The following DNAH10 variants were observed in gnomAD, a reference collection of about 807,000 sequenced individuals.
DNAH10 encodes the protein dynein axonemal heavy chain 10.
DNAH10 carries 348 observed loss-of-function variants against 506.6 expected under a neutral mutation model. The ratio of observed to expected loss-of-function variants is 0.69; its 90% CI spans 0.63 to 0.75. The LOEUF is 0.75. Among genes scored for constraint, DNAH10 ranks in the 30% least tolerant of loss-of-function variants. DNAH10 has a pLI of 0.00. For missense variants in DNAH10, 5,179 were observed against 5,787.1 expected, an observed-to-expected ratio of 0.89 and a Z score of 3.41; for synonymous variants, 2,059 against 2,198.6, an observed-to-expected ratio of 0.94 and a Z score of 1.78.
chr12:123,796,735 C>T lies in DNAH10; in HGVS notation c.2066C>T (p.Ala689Val). Residue 689 changes from alanine to valine, a missense_variant, in exon 13 of 79, where the codon GCA (alanine) becomes GTA (valine). Around this residue, in one of 3 missense-constraint regions of DNAH10, gnomAD observed 4,844 missense variants for 5,430.5 expected, o/e 0.89. Transcript: ENST00000673944. The stretch of plus-strand genomic sequence containing the variant: ...AAGAATCACCCTCCAGTAGCAGGTG[C>T]AATATACTGGGAACGATCTCTGTTC... ...LYKNHPPVAG[A>V]IYWERSLFFR... is the part of the protein sequence containing the mutation. 2 of 1,614,090 alleles carry T rather than the reference C, an allele frequency of 1.2e-6. No individual in the cohort carries two copies. Among genetic ancestry groups the T allele is most frequent in the South Asian group, 1.1e-5 (1 of 91,076 alleles).
intron 51 of DNAH10, among the ~76,000 whole-genome samples, chr12:123,883,884 C>T (rs1444698155): frequency 2.6e-5 from 4 of 152,168 alleles, no homozygotes; most frequent in South Asian, 2.1e-4. Flanking sequence ...TGGTGCAGGA[C>T]GGGATCTGTA....
intron 21 of DNAH10, 62 bp downstream of exon 21, chr12:123,813,974 C>A: frequency 6.9e-7 from 1 of 1,454,198 alleles, no homozygotes. Flanking sequence ...CGACCCTTTT[C>A]AGAAATGCTT....
At chr12:123,893,031 C>A (rs1260106830) in intron 52 of DNAH10, among the ~76,000 whole-genome samples, 1 of 152,208 alleles carries the variant, frequency 6.6e-6, no homozygotes, top group East Asian at 1.9e-4. Context: ...CATCTAGGAT[C>A]CCCGTTTGAC....
In DNAH10 at chr12:123,933,332, T is replaced by C; in HGVS notation, c.13298T>C (p.Val4433Ala). The change falls in exon 77 of 79, where the codon GTG (valine) becomes GCG (alanine). Residue 4433 changes from valine to alanine, a missense_variant and splice_region_variant. Physicochemically the swap from Val to Ala is moderately conservative, Grantham distance 64. Around this residue, in one of 3 missense-constraint regions of DNAH10, gnomAD observed 4,844 missense variants for 5,430.5 expected, o/e 0.89. Transcript: ENST00000673944. Reference protein sequence around the residue: ...LRRFSQYMLWVTESEPSVMWL... With the variant: ...LRRFSQYMLWATESEPSVMWL... ...GCACTTGTCCTCTCTTCTCTCCAGG[T>C]GACCGAGAGCGAGCCCAGCGTGATG... 1 of 1,557,584 alleles carries C rather than the reference T, an allele frequency of 6.4e-7. No individual in the cohort carries two copies. The highest frequency in any genetic ancestry group is 1.2e-5 in the South Asian group (1 of 84,462).
In DNAH10 at chr12:123,916,421, C is replaced by T. The variant is rs895174992; in HGVS notation, c.10723-36C>T. ...TATATTTGGCAGGGCCACAGTTAAA[C>T]GTGGGCTTTCAGCATCTGCCTCCCT... On this transcript the variant is annotated intron_variant, in intron 62 of 78. Coordinates refer to ENST00000673944, the MANE Select transcript of DNAH10 (RefSeq NM_001372106.1). This position sits in a 1 kb window ranked among gnomAD's most constrained non-coding sequence, Gnocchi z 4.6. 2.8e-5 allele frequency: 45 copies of T among 1,579,196 alleles called. No homozygotes were observed. Among genetic ancestry groups the T allele is most frequent in the Non-Finnish European group, 3.4e-5 (40 of 1,163,504 alleles).
chr12:123,799,347 C>T lies in DNAH10; in HGVS notation c.2265C>T (p.Leu755=), dbSNP rs1341476174. 1 of 1,611,476 alleles carries T rather than the reference C, an allele frequency of 6.2e-7. No homozygotes were observed. Among genetic ancestry groups the T allele is most frequent in the South Asian group, 1.1e-5 (1 of 90,798 alleles). ...MEVTEQVLPA[L]MKKSLLTKSS... Reference sequence around the variant, plus strand: ...TGACGGAGCAGGTGCTGCCAGCTCTCATGAAGAAGAGCCTTTTGACCAAGG... The same window carrying T: ...TGACGGAGCAGGTGCTGCCAGCTCTTATGAAGAAGAGCCTTTTGACCAAGG... Residue 755 remains leucine (L), a synonymous_variant, in exon 14 of 79, where the codon CTC becomes CTT. Transcript: ENST00000673944.
chr12:123,782,974 C>A, intron 6 of DNAH10, 133 bp from the exon 7 acceptor site: 1 of 663,108 alleles, frequency 1.5e-6, no homozygotes, highest in Non-Finnish European at 2.6e-6. Context: ...CAGATATTAT[C>A]AGGACAGGGG....
Position 123,877,835 on chromosome 12 carries a change from A to G in DNAH10, c.8299A>G (p.Lys2767Glu). The change falls in exon 48 of 79, where the codon AAG (lysine) becomes GAG (glutamate). Residue 2767 changes from lysine to glutamate, a missense_variant. Lys to Glu is a moderately conservative substitution (Grantham distance 56). Transcript: ENST00000673944. ...IVQDLPPTPS[K>E]FHYIFNLRDL... ...GCAAGACCTACCTCCCACTCCGTCA[A>G]AGTTCCATTACATCTTCAACCTTCG... The G allele has an allele frequency of 1.2e-6, 2 of 1,613,996 alleles. No homozygotes were observed. The highest frequency in any genetic ancestry group is 8.5e-7 in the Non-Finnish European group (1 of 1,179,878).
chr12:123,896,150 G>C (rs7314172), intron 54 of DNAH10, among the ~76,000 whole-genome samples: 26,540 of 65,422 alleles, frequency 0.41, 3,811 homozygotes, highest in Non-Finnish European at 0.44. Flanking sequence ...CACACACACA[G>C]AGAGAGAGAG....
At position 123,903,063 on chromosome 12, in the gene DNAH10, C is replaced by T. The variant is rs546334574; in HGVS notation, c.9765C>T (p.Ala3255=). The T allele has an allele frequency of 3.9e-5, 63 of 1,611,432 alleles. No individual in the cohort carries two copies. Among genetic ancestry groups the T allele is most frequent in the African/African-American group, 1.2e-4 (9 of 74,962 alleles). ...CAGAGGTCATGCCCATCCTGGAGGC[C>T]GCCAAGCTGGAACTGCAGAAGCTGG... ...TLAEVMPILE[A]AKLELQKLDK... The change falls in exon 57 of 79, where the codon GCC becomes GCT. Residue 3255 remains alanine (A), a synonymous_variant. Coordinates refer to ENST00000673944, the MANE Select transcript of DNAH10 (RefSeq NM_001372106.1). The surrounding 1 kb of genome is among the most constrained non-coding windows in gnomAD (Gnocchi z 4.6).
intron 59 of DNAH10, among the ~76,000 whole-genome samples, chr12:123,912,579 T>G (rs1954273719): frequency 6.6e-6 from 1 of 152,010 alleles, no homozygotes; most frequent in Admixed American, 6.5e-5. Context: ...CCCTCCAAGC[T>G]GTGACATCCA....
At chr12:123,879,224 G>C in intron 48 of DNAH10, 40 bp from the exon 49 acceptor site, 2 of 1,535,876 alleles carry the variant, frequency 1.3e-6, no homozygotes, top group Non-Finnish European at 1.8e-6. Flanking sequence ...GTATCCTTCA[G>C]GTGACTTCCT....
intron 54 of DNAH10, among the ~76,000 whole-genome samples, chr12:123,895,064 T>C (rs1232073445): frequency 6.6e-6 from 1 of 152,188 alleles, no homozygotes; most frequent in Non-Finnish European, 1.5e-5. Flanking sequence ...TAACATATTG[T>C]CTCTGGCTGC....
intron 9 of DNAH10, among the ~76,000 whole-genome samples, chr12:123,786,231 T>TGCTTGAACCTGGGAG (rs2136194574): frequency 6.6e-6 from 1 of 151,890 alleles, no homozygotes; most frequent in African/African-American, 2.4e-5. Flanking sequence ...GCATGAGAAT[T>TGCTTGAACCTGGGAG]GCTTGAACCT....
chr12:123,792,997 G>A (rs73422708), intron 11 of DNAH10, among the ~76,000 whole-genome samples: 215 of 152,312 alleles, frequency 1.4e-3, no homozygotes, highest in African/African-American at 5.0e-3. Context: ...ATCCAAGGTT[G>A]AAAATCACCT....
chr12:123,808,693 G>T lies in DNAH10; in HGVS notation c.2988-104G>T, dbSNP rs891272341. On this transcript the variant is annotated intron_variant, in intron 18 of 78. Transcript: ENST00000673944. ...TAGGACAGCCTCACAGTGTGCCATT[G>T]CCTGTACCTGTGATTTTTGTGGCCC... is the stretch of plus-strand genomic sequence containing the variant. 6.5e-6 allele frequency: 8 copies of T among 1,228,762 alleles called. No homozygotes were observed. In the African/African-American group the frequency reaches 1.2e-4, roughly 18 times the overall value. 76.1% of individuals were successfully genotyped at this position (1,228,762 alleles called of 1,614,324 possible). A position where few individuals can be genotyped will look rare whatever the true frequency, so the allele number is the denominator to read the frequency against.
Position 123,923,884 on chromosome 12 carries a change from G to C in DNAH10, c.11611+17G>C. On this transcript the variant is annotated intron_variant, in intron 66 of 78. Transcript: ENST00000673944. ...TTTTAAAAGGTAATGAATTTGCCTA[G>C]CTTCATTCCTCCCATCTCCTTGCCC... The C allele has an allele frequency of 6.5e-7, 1 of 1,543,146 alleles. No homozygotes were observed. Among genetic ancestry groups the C allele is most frequent in the Non-Finnish European group, 8.9e-7 (1 of 1,124,714 alleles).
chr12:123,873,671 A>C lies in DNAH10; in HGVS notation c.7899A>C (p.Lys2633Asn). 6.2e-7 allele frequency: 1 copy of C among 1,612,812 alleles called. No individual in the cohort carries two copies. The highest frequency in any genetic ancestry group is 8.5e-7 in the Non-Finnish European group (1 of 1,179,384). The change falls in exon 46 of 79, where the codon AAA becomes AAC. Residue 2633 changes from lysine (K) to asparagine (N), a missense_variant. Physicochemically the swap from Lys to Asn is moderately conservative, Grantham distance 94. Coordinates refer to ENST00000673944, the MANE Select transcript of DNAH10 (RefSeq NM_001372106.1). ...ATACTTACGGCCCACCCATGGGAAA[A>C]CGCCTGCTGGTGTTCATGGATGACA... The part of the protein sequence containing the change: ...TKDTYGPPMG[K>N]RLLVFMDDMN...
Position 123,879,300 on chromosome 12 carries a change from G to T in DNAH10, c.8409G>T (p.Arg2803Ser), listed in dbSNP as rs780363001. 5 of 1,580,772 alleles carry T rather than the reference G, an allele frequency of 3.2e-6. No homozygotes were observed. The South Asian group carries it at 4.7e-5, about 15-fold the overall frequency. ...TGGCCCAGATGGTGAGAGTCTGGAG[G>T]AATGAGTGTCTGAGAGTCTTCCACG... is the stretch of plus-strand genomic sequence containing the variant. ...QTVAQMVRVW[R>S]NECLRVFHDR... The change falls in exon 49 of 79, where the codon AGG becomes AGT. Residue 2803 changes from arginine (R) to serine (S), a missense_variant. This residue lies in a region of DNAH10 where 4,844 missense variants were observed against 5,430.5 expected (regional missense o/e 0.89). Coordinates refer to ENST00000673944, the MANE Select transcript of DNAH10 (RefSeq NM_001372106.1).
Sources: gnomAD v4.1 joint callset for allele counts (sites outside exome capture counted in the v4.1 genomes callset) on GRCh38, gnomAD v4.1.1 for gene constraint, gnomAD v4.1.1 regional missense constraint, Gnocchi (gnomAD v3.1) non-coding constraint, MANE v1.5 for transcripts, NCBI Gene and HGNC (gene_info 2026-07-23, HGNC 2026-07-21) for gene names.